BICDL1: variants seen among roughly 807,000 people sequenced by gnomAD.
BICDL1 encodes BICD family-like cargo adapter 1.
In BICDL1, 20 loss-of-function variants were observed where a neutral mutation model predicts 76.8. That is an observed-to-expected ratio of 0.26 (90% CI 0.18 to 0.38). The LOEUF is 0.38. BICDL1 is among the 10% of genes least tolerant of loss of function. The probability of loss-of-function intolerance (pLI) is 1.00; values close to 1 mark genes in which losing one functional copy is unlikely to be tolerated. For synonymous variants in BICDL1, 383 were observed against 337.1 expected, an observed-to-expected ratio of 1.14 and a Z score of -1.49; for missense variants, 700 against 798.6, an observed-to-expected ratio of 0.88 and a Z score of 1.49.
At chr12:120,047,906 G>A (rs16949901) in intron 2 of BICDL1, among the ~76,000 whole-genome samples, 20,180 of 152,110 alleles carry the variant, frequency 0.13, 1,668 homozygotes, top group East Asian at 0.4. Context: ...ACTTAAGAAT[G>A]AAGATTGTGT....
At chr12:120,040,919 G>A (rs1036477030) in intron 2 of BICDL1, among the ~76,000 whole-genome samples, 2 of 151,728 alleles carry the variant, frequency 1.3e-5, no homozygotes, top group Non-Finnish European at 2.9e-5. Flanking sequence ...GCTAATTTTT[G>A]TATTTTTAGT....
At chr12:120,074,419 T>C in intron 6 of BICDL1, 24 bp from the exon 7 acceptor site, 1 of 1,172,962 alleles carries the variant, frequency 8.5e-7, no homozygotes, top group Non-Finnish European at 1.1e-6. Context: ...CATATCTGTC[T>C]GGCTGTCTTT....
At chr12:120,005,134 T>G (rs756784142) in intron 2 of BICDL1, among the ~76,000 whole-genome samples, 2 of 152,158 alleles carry the variant, frequency 1.3e-5, no homozygotes, top group Non-Finnish European at 2.9e-5. Flanking sequence ...TATAGATTTT[T>G]AAATTTTAAA....
intron 2 of BICDL1, among the ~76,000 whole-genome samples, chr12:120,042,804 CAA>C (rs538558620): frequency 1.7e-4 from 21 of 120,580 alleles, no homozygotes; most frequent in East Asian, 4.3e-4. Flanking sequence ...GACTCCCCCT[CAA>C]AAAAAAAAAA....
At chr12:120,008,946 GTTT>G (rs557926360) in intron 2 of BICDL1, among the ~76,000 whole-genome samples, 2 of 131,646 alleles carry the variant, frequency 1.5e-5, no homozygotes, top group African/African-American at 2.8e-5. Context: ...GCATAGAGGT[GTTT>G]TTTTTTTTTT....
chr12:120,029,512 A>G (rs544636094), intron 2 of BICDL1, among the ~76,000 whole-genome samples: 1 of 152,330 alleles, frequency 6.6e-6, no homozygotes, highest in African/African-American at 2.4e-5. Flanking sequence ...CAAGCAGTGT[A>G]TCTCAGAATT....
intron 1 of BICDL1, among the ~76,000 whole-genome samples, chr12:119,994,041 A>T (rs1215532613): frequency 6.6e-6 from 1 of 152,270 alleles, no homozygotes; most frequent in Non-Finnish European, 1.5e-5. Context: ...TAAGACAGTA[A>T]CTTGTATTTA....
At chr12:120,052,149 G>A (rs911702702) in intron 2 of BICDL1, among the ~76,000 whole-genome samples, 2 of 151,642 alleles carry the variant, frequency 1.3e-5, no homozygotes, top group Non-Finnish European at 2.9e-5. Flanking sequence ...TCACTATGTT[G>A]GCCAGGCTGG....
chr12:120,051,564 A>G (rs1952860479), intron 2 of BICDL1, among the ~76,000 whole-genome samples: 1 of 151,876 alleles, frequency 6.6e-6, no homozygotes, highest in Admixed American at 6.6e-5. Flanking sequence ...TGATCTTCGG[A>G]TTGAAGGTAC....
chr12:120,053,946 G>T (rs759734714), intron 2 of BICDL1, among the ~76,000 whole-genome samples: 1 of 152,094 alleles, frequency 6.6e-6, no homozygotes, highest in Non-Finnish European at 1.5e-5. Context: ...GCCAAGGTGG[G>T]CGGATCACCT....
intron 2 of BICDL1, among the ~76,000 whole-genome samples, chr12:120,043,418 A>G (rs1357624111): frequency 6.6e-6 from 1 of 152,248 alleles, no homozygotes; most frequent in Admixed American, 6.5e-5. Context: ...TATAAAAGAA[A>G]AGACTTGAGT....
intron 2 of BICDL1, among the ~76,000 whole-genome samples, chr12:120,040,935 A>G (rs536217247): frequency 6.6e-6 from 1 of 151,658 alleles, no homozygotes; most frequent in African/African-American, 2.4e-5. Context: ...TTAGTAGAGG[A>G]GGGGTTTCGC....
intron 2 of BICDL1, among the ~76,000 whole-genome samples, chr12:120,023,657 G>T (rs1456745587): frequency 1.3e-5 from 2 of 152,084 alleles, no homozygotes; most frequent in African/African-American, 4.8e-5. Flanking sequence ...GAGCGTGCTG[G>T]CAGGCACCTG....
chr12:120,083,083 GAACTCC>G (rs1157721908), intron 8 of BICDL1, among the ~76,000 whole-genome samples: 1 of 151,148 alleles, frequency 6.6e-6, no homozygotes, highest in Non-Finnish European at 1.5e-5. Context: ...GGCTACTCTC[GAACTCC>G]TGGCCTCAAG....
chr12:120,023,196 A>G (rs1446658216), intron 2 of BICDL1, among the ~76,000 whole-genome samples: 1 of 152,232 alleles, frequency 6.6e-6, no homozygotes, highest in Admixed American at 6.5e-5. Flanking sequence ...CACTAATGAT[A>G]GCTAATGAGC....
Position 120,017,780 on chromosome 12 carries a change from A to G in BICDL1, c.645+19044A>G, listed in dbSNP as rs1227517715. Among the ~76,000 whole-genome samples, 4 of 152,216 alleles carry G rather than the reference A, an allele frequency of 2.6e-5. No homozygotes were observed. The East Asian group carries it at 5.8e-4, about 22-fold the overall frequency. On this transcript the variant is annotated intron_variant, in intron 2 of 9. Transcript: ENST00000548673. ...GATTTGGCCGCATAATAGTTGCTCA[A>G]TTAGTGGCAGCTAGTATTAGTAGAA...
intron 8 of BICDL1, among the ~76,000 whole-genome samples, chr12:120,088,358 TTTG>T (rs1350552767): frequency 1.3e-5 from 2 of 152,140 alleles, no homozygotes; most frequent in Non-Finnish European, 1.5e-5. Context: ...TTTGTGGGGT[TTTG>T]TTTTTATTTT....
At chr12:120,034,805 A>G (rs1186756686) in intron 2 of BICDL1, among the ~76,000 whole-genome samples, 1 of 152,066 alleles carries the variant, frequency 6.6e-6, no homozygotes, top group East Asian at 1.9e-4. Flanking sequence ...CTAGACGTTG[A>G]CCCTGTCCAT....
intron 2 of BICDL1, 123 bp downstream of exon 2, chr12:119,998,859 A>G: frequency 1.2e-6 from 1 of 862,828 alleles, no homozygotes; most frequent in Non-Finnish European, 1.8e-6. Flanking sequence ...ACTTCAGACC[A>G]ATCTGGGCAA....
Sources: allele counts gnomAD v4.1 joint callset (sites outside exome capture counted in the v4.1 genomes callset), GRCh38; gene constraint gnomAD v4.1.1; transcripts MANE v1.5; gene names NCBI Gene and HGNC (gene_info 2026-07-23, HGNC 2026-07-21).